Variants in PTDSS1 observed in about 807,000 individuals in gnomAD.
The protein encoded by PTDSS1 is phosphatidylserine synthase 1, also known as PSS-1.
Under a neutral mutation model 70.5 loss-of-function variants are expected in PTDSS1, and 45 were observed. That is an observed-to-expected ratio of 0.64 (90% CI 0.50 to 0.82). PTDSS1 has a LOEUF of 0.82. Among genes scored for constraint, PTDSS1 ranks in the 40% least tolerant of loss-of-function variants. The probability of loss-of-function intolerance (pLI) is 0.00; values close to 1 mark genes in which losing one functional copy is unlikely to be tolerated. For synonymous variants in PTDSS1, 188 were observed against 203.8 expected (o/e 0.92, Z 0.66); for missense variants, 417 against 586.1 (o/e 0.71, Z 2.98).
chr8:96,263,210 C>T (rs989945081), intron 1 of PTDSS1, among the ~76,000 whole-genome samples: 3 of 152,230 alleles, frequency 2.0e-5, no homozygotes, highest in Admixed American at 1.3e-4. Context: ...CATGTTAACT[C>T]TGGCACTGCG....
intron 2 of PTDSS1, among the ~76,000 whole-genome samples, chr8:96,282,062 T>C (rs1021707276): frequency 6.6e-6 from 1 of 152,176 alleles, no homozygotes; most frequent in African/African-American, 2.4e-5. Context: ...AAATAATAGG[T>C]CATACAGTTT....
intron 12 of PTDSS1, 145 bp from the exon 13 acceptor site, chr8:96,333,312 G>C: frequency 1.4e-6 from 1 of 722,168 alleles, no homozygotes; most frequent in East Asian, 2.5e-5. Context: ...TGAGAGCCTC[G>C]CCTTCATTTA....
At chr8:96,321,261 A>C (rs992869000) in intron 10 of PTDSS1, among the ~76,000 whole-genome samples, 5 of 152,332 alleles carry the variant, frequency 3.3e-5, no homozygotes, top group African/African-American at 1.2e-4. Flanking sequence ...TCACTAAAAG[A>C]AGCTCAGGAT....
chr8:96,287,283 G>T, intron 4 of PTDSS1, 137 bp downstream of exon 4: 3 of 1,172,672 alleles, frequency 2.6e-6, no homozygotes, highest in East Asian at 2.4e-5. Flanking sequence ...CTCTGGGAGG[G>T]TTGTTGAGTT....
intron 9 of PTDSS1, among the ~76,000 whole-genome samples, chr8:96,313,113 A>G (rs1436713979): frequency 6.6e-6 from 1 of 152,202 alleles, no homozygotes; most frequent in African/African-American, 2.4e-5. Context: ...GTTCTTTCCC[A>G]GCACTCCACC....
intron 4 of PTDSS1, among the ~76,000 whole-genome samples, chr8:96,294,257 G>A (rs1334031504): frequency 6.6e-6 from 1 of 152,142 alleles, no homozygotes; most frequent in Non-Finnish European, 1.5e-5. Flanking sequence ...AACTATTATA[G>A]TTTATAGGAA....
chr8:96,278,339 A>G (rs778251571), intron 2 of PTDSS1, among the ~76,000 whole-genome samples: 4 of 152,250 alleles, frequency 2.6e-5, no homozygotes, highest in Non-Finnish European at 4.4e-5. Context: ...CTGCTGGTTT[A>G]GAATCCACCC....
At chr8:96,286,206 C>T (rs1038763923) in intron 3 of PTDSS1, among the ~76,000 whole-genome samples, 2 of 152,274 alleles carry the variant, frequency 1.3e-5, no homozygotes, top group South Asian at 2.1e-4. Flanking sequence ...CTAAATGTCC[C>T]GCATAAACAT....
chr8:96,318,063 G>A lies in PTDSS1; in HGVS notation c.1074-2183G>A, dbSNP rs144830713. ...TAAAAGGGCCCTCAGGCTGGCTCAT[G>A]CCTGTAATCCCAGCACTTTGGGAGG... is the stretch of plus-strand genomic sequence containing the variant. On this transcript the variant is annotated intron_variant, in intron 9 of 12. Coordinates refer to ENST00000517309, the MANE Select transcript of PTDSS1 (RefSeq NM_014754.3). Among the ~76,000 whole-genome samples, 296 of 151,966 alleles carry A rather than the reference G, an allele frequency of 1.9e-3. 3 individuals are homozygous for A. The highest frequency in any genetic ancestry group is 6.5e-3 in the African/African-American group (271 of 41,454).
At chr8:96,322,586 C>T (rs1586209190) in intron 10 of PTDSS1, among the ~76,000 whole-genome samples, 2 of 152,270 alleles carry the variant, frequency 1.3e-5, no homozygotes, top group Non-Finnish European at 2.9e-5. Flanking sequence ...GTCTTAAAGG[C>T]CCCACCTCCC....
At chr8:96,286,853 G>A (rs1810829529) in intron 3 of PTDSS1, among the ~76,000 whole-genome samples, 169 bp from the exon 4 acceptor site, 2 of 152,226 alleles carry the variant, frequency 1.3e-5, no homozygotes, top group Admixed American at 1.3e-4. Flanking sequence ...TTAGGACTGT[G>A]TATCAGACTG....
At chr8:96,296,799 C>T (rs1810982453) in intron 5 of PTDSS1, among the ~76,000 whole-genome samples, 1 of 152,210 alleles carries the variant, frequency 6.6e-6, no homozygotes, top group Non-Finnish European at 1.5e-5. Flanking sequence ...ATGTGAAGCC[C>T]ACGTTCCTGC....
At chr8:96,293,682 G>T (rs557842461) in intron 4 of PTDSS1, among the ~76,000 whole-genome samples, 3 of 152,352 alleles carry the variant, frequency 2.0e-5, no homozygotes, top group African/African-American at 7.2e-5. Flanking sequence ...ATGCCTTTCC[G>T]CATGTCAAAG....
chr8:96,327,059 AT>A (rs1252878474), intron 10 of PTDSS1, among the ~76,000 whole-genome samples: 3 of 152,122 alleles, frequency 2.0e-5, no homozygotes, highest in African/African-American at 7.2e-5. Flanking sequence ...GAGGAGGTGA[AT>A]TTGGTTCAGG....
At chr8:96,271,760 T>C (rs947146036) in intron 1 of PTDSS1, among the ~76,000 whole-genome samples, 2 of 152,260 alleles carry the variant, frequency 1.3e-5, no homozygotes, top group African/African-American at 4.8e-5. Context: ...TTAAAAACAG[T>C]TTCTATTTTA....
intron 7 of PTDSS1, among the ~76,000 whole-genome samples, chr8:96,305,807 C>T (rs1225673366): frequency 1.3e-5 from 2 of 152,158 alleles, no homozygotes; most frequent in Admixed American, 1.3e-4. Context: ...CCTGTCTCAG[C>T]CTCCTGAGTA....
intron 8 of PTDSS1, among the ~76,000 whole-genome samples, chr8:96,308,151 C>G (rs1454033423): frequency 6.6e-6 from 1 of 152,212 alleles, no homozygotes; most frequent in African/African-American, 2.4e-5. Flanking sequence ...ACATCTCCAG[C>G]TTCTTCCTTT....
At chr8:96,309,848 A>G (rs1264800678) in intron 9 of PTDSS1, among the ~76,000 whole-genome samples, 1 of 152,120 alleles carries the variant, frequency 6.6e-6, no homozygotes, top group Admixed American at 6.6e-5. Flanking sequence ...GGCAAATTAT[A>G]AAACAAGAGT....
chr8:96,309,195 T>C (rs1241223772), intron 8 of PTDSS1: 2 of 5,554 alleles, frequency 3.6e-4, no homozygotes, highest in East Asian at 0.017. Context: ...TTTTAGTGGT[T>C]TTTTTTTTTT....
Sources: allele counts gnomAD v4.1 joint callset (sites outside exome capture counted in the v4.1 genomes callset), GRCh38; gene constraint gnomAD v4.1.1; transcripts MANE v1.5; gene names NCBI Gene and HGNC (gene_info 2026-07-23, HGNC 2026-07-21).